Variants in DZIP1 observed in about 807,000 individuals in gnomAD.
The protein encoded by DZIP1 is cilium assembly protein DZIP1.
In DZIP1, 97 loss-of-function variants were observed where a neutral mutation model predicts 107.6. The observed-to-expected ratio is 0.90, with a 90% confidence interval of 0.77 to 1.07. The LOEUF (loss-of-function observed/expected upper bound fraction) is 1.07, where lower values mean the gene tolerates loss of function less well. DZIP1 is among the 50% of genes least tolerant of loss of function. The pLI is 0.00. For missense variants in DZIP1, 1,035 were observed against 1,063.6 expected, an observed-to-expected ratio of 0.97 and a Z score of 0.37; for synonymous variants, 390 against 386.4, an observed-to-expected ratio of 1.01 and a Z score of -0.11.
At chr13:95,634,995 CCT>C (rs1457058782) in intron 5 of DZIP1, among the ~76,000 whole-genome samples, 1 of 152,120 alleles carries the variant, frequency 6.6e-6, no homozygotes, top group African/African-American at 2.4e-5. Context: ...TTCCCCTCCA[CCT>C]CTTTTTTTTC....
intron 8 of DZIP1, among the ~76,000 whole-genome samples, chr13:95,622,863 C>T (rs1876066753): frequency 6.6e-6 from 1 of 151,930 alleles, no homozygotes. Flanking sequence ...CCACCTCAGC[C>T]TCCTAGGTAG....
At chr13:95,637,709 A>G (rs543755782) in intron 5 of DZIP1, among the ~76,000 whole-genome samples, 27 of 152,194 alleles carry the variant, frequency 1.8e-4, no homozygotes, top group Admixed American at 3.3e-4. Flanking sequence ...CAAGCCAGGA[A>G]GAGAGGCCTC....
At chr13:95,605,020 C>T (rs574522950) in intron 14 of DZIP1, among the ~76,000 whole-genome samples, 1 of 152,262 alleles carries the variant, frequency 6.6e-6, no homozygotes, top group Admixed American at 6.5e-5. Flanking sequence ...TTACACATTA[C>T]GTATTGTGAT....
At chr13:95,624,740 C>A in intron 8 of DZIP1, 28 bp downstream of exon 8, 2 of 1,568,996 alleles carry the variant, frequency 1.3e-6, no homozygotes, top group Non-Finnish European at 1.7e-6. Context: ...CAATCAATAC[C>A]ATAAGAACTT....
intron 14 of DZIP1, among the ~76,000 whole-genome samples, chr13:95,604,919 A>C (rs529925765): frequency 2.0e-5 from 3 of 152,338 alleles, no homozygotes; most frequent in Middle Eastern, 6.8e-3. Context: ...AAATTTATTT[A>C]TGTCCAGTGT....
In DZIP1 at chr13:95,604,217, T is replaced by C. The variant is rs750101168; in HGVS notation, c.1477+1786A>G. ...GTTTCCCAGGGGACCCGACCTACAA[T>C]GGTAAGAAATTGTGAGATTTTTCAT... is the stretch of plus-strand genomic sequence containing the variant. On this transcript the variant is annotated intron_variant, in intron 14 of 22. Transcript: ENST00000376829. Among the ~76,000 whole-genome samples, 21 of 152,120 alleles carry C rather than the reference T, an allele frequency of 1.4e-4. 1 individual carries two copies. Among genetic ancestry groups the C allele is most frequent in the Admixed American group, 4.6e-4 (7 of 15,282 alleles).
chr13:95,619,099 A>C (rs1389137671), intron 10 of DZIP1, among the ~76,000 whole-genome samples: 1 of 152,238 alleles, frequency 6.6e-6, no homozygotes. Flanking sequence ...AATCAGAAAC[A>C]TGTATTTGAC....
Position 95,643,373 on chromosome 13 carries a change from C to T in DZIP1, c.-427-116G>A, listed in dbSNP as rs898384488. 8 of 152,112 alleles carry T rather than the reference C, an allele frequency of 5.3e-5. No homozygotes were observed. The East Asian group carries it at 1.5e-3, about 29-fold the overall frequency. 9.4% of individuals were successfully genotyped at this position (152,112 alleles called of 1,614,324 possible). The stretch of plus-strand genomic sequence containing the variant: ...CAAGATATTGTTAACTAGAAATAAA[C>T]CCATGCAAAAACATCCAGGAAATAA... On this transcript the variant is annotated intron_variant, in intron 2 of 22. Coordinates refer to ENST00000376829, the MANE Select transcript of DZIP1 (RefSeq NM_198968.4).
At position 95,630,078 on chromosome 13, in the gene DZIP1, T is replaced by C; in HGVS notation, c.721A>G (p.Ser241Gly). The C allele has an allele frequency of 1.2e-6, 2 of 1,613,650 alleles. No individual in the cohort carries two copies. The highest frequency in any genetic ancestry group is 1.7e-6 in the Non-Finnish European group (2 of 1,179,818). ...QKNAQIEKLR[S>G]EIVVLKEELQ... ...TCTTCCTTCAATACGACGATCTCAC[T>C]CCGGAGCTTCTCAATCTGTGCATTT... Residue 241 changes from serine (S) to glycine (G), a missense_variant, in exon 7 of 23, where the codon AGT becomes GGT. Ser to Gly is a moderately conservative substitution (Grantham distance 56, BLOSUM62 0). Transcript: ENST00000376829.
At chr13:95,625,526 A>T (rs1876428372) in intron 7 of DZIP1, among the ~76,000 whole-genome samples, 1 of 152,198 alleles carries the variant, frequency 6.6e-6, no homozygotes, top group Non-Finnish European at 1.5e-5. Flanking sequence ...TACCAGGAAG[A>T]CCTTTTTTTA....
intron 14 of DZIP1, among the ~76,000 whole-genome samples, chr13:95,605,136 G>A (rs1054668468): frequency 6.6e-6 from 1 of 152,194 alleles, no homozygotes; most frequent in African/African-American, 2.4e-5. Flanking sequence ...TATTACTAAA[G>A]TTCATGGTAT....
In DZIP1 at chr13:95,582,123, G is replaced by T; in HGVS notation, c.*111C>A. On this transcript the variant is annotated 3_prime_UTR_variant, in exon 23 of 23. Transcript: ENST00000376829. The stretch of plus-strand genomic sequence containing the variant: ...TGTTCTTTGAATCAGTCTCTGTGTT[G>T]CTGTGGGAAACACGGTAAGGCAGAA... 2.1e-6 allele frequency: 2 copies of T among 963,978 alleles called. No homozygotes were observed. Among genetic ancestry groups the T allele is most frequent in the African/African-American group, 1.6e-5 (1 of 62,438 alleles). 59.7% of individuals were successfully genotyped at this position (963,978 alleles called of 1,614,324 possible). A position where few individuals can be genotyped will look rare whatever the true frequency, so the allele number is the denominator to read the frequency against.
At chr13:95,619,041 C>G (rs1418181799) in intron 10 of DZIP1, among the ~76,000 whole-genome samples, 1 of 151,852 alleles carries the variant, frequency 6.6e-6, no homozygotes, top group Non-Finnish European at 1.5e-5. Context: ...GTAAACAGTT[C>G]TTGCCTTTTT....
chr13:95,598,196 A>G (rs2138930296), intron 15 of DZIP1, among the ~76,000 whole-genome samples: 1 of 152,346 alleles, frequency 6.6e-6, no homozygotes, highest in Middle Eastern at 3.4e-3. Context: ...TTACAAAGAA[A>G]TAAGGAGGAA....
chr13:95,619,429 A>C (rs1875537694), intron 10 of DZIP1, among the ~76,000 whole-genome samples: 1 of 152,230 alleles, frequency 6.6e-6, no homozygotes, highest in African/African-American at 2.4e-5. Context: ...CCTACTCTTA[A>C]TCAGTGGTGG....
chr13:95,627,120 C>G (rs1267732916), intron 7 of DZIP1, among the ~76,000 whole-genome samples: 3 of 152,164 alleles, frequency 2.0e-5, no homozygotes, highest in African/African-American at 7.2e-5. Context: ...TACTACAAAG[C>G]TACAGTAATC....
chr13:95,634,956 G>A (rs1471818836), intron 5 of DZIP1, among the ~76,000 whole-genome samples: 1 of 152,086 alleles, frequency 6.6e-6, no homozygotes, highest in Non-Finnish European at 1.5e-5. Flanking sequence ...TGATGGTTAT[G>A]TCTCTTAACA....
rs1189062880 is a variant in DZIP1, at chr13:95,641,687, A to G, written c.205T>C (p.Trp69Arg). ...ACGTCGATGGCGCTCAGCCGCCGCC[A>G]GTCCACACTCTCCAGCCGCGGCCTG... ...QFRPRLESVD[W>R]RRLSAIDVDK... The change falls in exon 5 of 23, where the codon TGG becomes CGG. Residue 69 changes from tryptophan to arginine, a missense_variant. Coordinates refer to ENST00000376829, the MANE Select transcript of DZIP1 (RefSeq NM_198968.4). This position sits in a 1 kb window ranked among gnomAD's most constrained non-coding sequence, Gnocchi z 4.3. 3.1e-6 allele frequency: 5 copies of G among 1,604,806 alleles called. No homozygotes were observed. Among genetic ancestry groups the G allele is most frequent in the Non-Finnish European group, 3.4e-6 (4 of 1,179,886 alleles).
intron 3 of DZIP1, 32 bp from the exon 4 acceptor site, chr13:95,642,273 C>A (rs1252475073): frequency 4.3e-6 from 2 of 463,936 alleles, no homozygotes; most frequent in Admixed American, 8.5e-5. Context: ...CTTGGACGAG[C>A]CCGAGTGGAC....
Sources: allele counts gnomAD v4.1 joint callset (sites outside exome capture counted in the v4.1 genomes callset), GRCh38; gene constraint gnomAD v4.1.1; non-coding constraint Gnocchi (gnomAD v3.1); transcripts MANE v1.5; gene names NCBI Gene and HGNC (gene_info 2026-07-23, HGNC 2026-07-21).